The following AMTN variants were observed in gnomAD, a reference collection of about 807,000 sequenced individuals.
AMTN encodes the protein RSTI689.
AMTN carries 29 observed loss-of-function variants against 27.4 expected under a neutral mutation model. The observed-to-expected ratio is 1.06, with a 90% confidence interval of 0.79 to 1.44. The LOEUF is 1.44. Among genes scored for constraint, AMTN ranks in the 40% most tolerant of loss-of-function variants. The pLI, the probability that AMTN is intolerant of heterozygous loss-of-function variation, is 0.00. For synonymous variants in AMTN, 86 were observed against 95.7 expected (o/e 0.90, Z 0.59); for missense variants, 247 against 248.8 (o/e 0.99, Z 0.05).
chr4:70,532,057 C>T (rs1279576679), intron 8 of AMTN, among the ~76,000 whole-genome samples: 2 of 152,210 alleles, frequency 1.3e-5, no homozygotes, highest in African/African-American at 4.8e-5. Flanking sequence ...CACACACACG[C>T]ACATAGAAGC....
intron 5 of AMTN, among the ~76,000 whole-genome samples, chr4:70,527,625 T>C (rs1156459214): frequency 6.6e-6 from 1 of 152,174 alleles, no homozygotes; most frequent in Non-Finnish European, 1.5e-5. Context: ...TGGGAAACAA[T>C]AGTTAACAGT....
intron 5 of AMTN, among the ~76,000 whole-genome samples, chr4:70,528,427 G>GGCAT (rs1344538896): frequency 6.6e-6 from 1 of 152,120 alleles, no homozygotes; most frequent in African/African-American, 2.4e-5. Context: ...GAGGCAGGCA[G>GGCAT]ATCACAATGT....
intron 2 of AMTN, among the ~76,000 whole-genome samples, chr4:70,521,719 A>G (rs1735974532): frequency 8.2e-6 from 1 of 121,628 alleles, no homozygotes; most frequent in Non-Finnish European, 1.6e-5. Context: ...TCCCGGGTTC[A>G]AGTGATTCTC....
intron 8 of AMTN, among the ~76,000 whole-genome samples, chr4:70,532,053 C>A (rs1321142764): frequency 6.6e-6 from 1 of 152,202 alleles, no homozygotes; most frequent in African/African-American, 2.4e-5. Context: ...AATACACACA[C>A]ACGCACATAG....
intron 4 of AMTN, 67 bp from the exon 5 acceptor site, chr4:70,524,805 C>T (rs1189412999): frequency 2.1e-6 from 3 of 1,445,918 alleles, no homozygotes; most frequent in African/African-American, 1.4e-5. Flanking sequence ...TTAGTAAAAA[C>T]ATTTTAGTTT....
intron 5 of AMTN, 110 bp downstream of exon 5, chr4:70,525,071 T>A: frequency 2.1e-6 from 2 of 933,942 alleles, no homozygotes; most frequent in Non-Finnish European, 3.3e-6. Flanking sequence ...CCCAGATTAT[T>A]AACTGACGAA....
At chr4:70,521,142 G>A (rs7675826) in intron 2 of AMTN, among the ~76,000 whole-genome samples, 2,405 of 152,244 alleles carry the variant, frequency 0.016, 54 homozygotes, top group African/African-American at 0.053. Context: ...CACTTTGGGG[G>A]CCAAGGCAGG....
Position 70,523,855 on chromosome 4 carries a change from C to T in AMTN, c.139-13C>T, listed in dbSNP as rs1456338154. ...AACCTCTTGTCTCATACATCACTTT[C>T]AATCCCCTGCAGGTCTTTCCTTCTT... On this transcript the variant is annotated splice_polypyrimidine_tract_variant and intron_variant, in intron 3 of 8. Coordinates refer to ENST00000339336, the MANE Select transcript of AMTN (RefSeq NM_212557.4). The T allele has an allele frequency of 1.5e-5, 24 of 1,612,286 alleles. No homozygotes were observed. The highest frequency in any genetic ancestry group is 2.0e-5 in the Non-Finnish European group (23 of 1,178,658).
rs191466865 is a variant in AMTN at position 70,518,896 on chromosome 4, C to T, written c.54+65C>T. The T allele has an allele frequency of 5.4e-6, 7 of 1,287,478 alleles. No homozygotes were observed. The East Asian group carries it at 1.6e-4, about 30-fold the overall frequency. The allele number at this position is 1,287,478 out of a possible 1,614,324, so 79.8% of individuals were successfully genotyped here. A position where few individuals can be genotyped will look rare whatever the true frequency, so the allele number is the denominator to read the frequency against. On this transcript the variant is annotated intron_variant, in intron 2 of 8. Coordinates refer to ENST00000339336, the MANE Select transcript of AMTN (RefSeq NM_212557.4). ...AACAGCATCTCTAGCTGCAGACCTA[C>T]CTCTCTCCTGCCCTCCATCAAAACT...
At chr4:70,522,002 G>A (rs1216131356) in intron 2 of AMTN, among the ~76,000 whole-genome samples, 2 of 152,094 alleles carry the variant, frequency 1.3e-5, no homozygotes, top group African/African-American at 4.8e-5. Context: ...ATGACTCAAG[G>A]GCTGGTGCAG....
Position 70,531,222 on chromosome 4 carries a change from G to A in AMTN, c.541G>A (p.Asp181Asn), listed in dbSNP as rs185210496. 5 of 1,614,018 alleles carry A rather than the reference G, an allele frequency of 3.1e-6. No individual in the cohort carries two copies. The highest frequency in any genetic ancestry group is 2.7e-5 in the African/African-American group (2 of 75,010). ...RLPTPSGTDD[D>N]FAVTTPAGIQ... The stretch of plus-strand genomic sequence containing the variant: ...CCCAACTCCCAGTGGCACAGATGAC[G>A]ACTTTGCAGTGACCACCCCTGCAGG... Residue 181 changes from aspartate (D) to asparagine (N), a missense_variant, in exon 8 of 9, where the codon GAC becomes AAC. By Grantham distance (23) the Asp-to-Asn change is conservative. Transcript: ENST00000339336.
intron 2 of AMTN, 93 bp downstream of exon 2, chr4:70,518,924 T>G: frequency 3.8e-6 from 4 of 1,039,156 alleles, no homozygotes; most frequent in Non-Finnish European, 6.0e-6. Context: ...TCAAAACTGC[T>G]CTGTTTTGTG....
At chr4:70,524,328 A>G (rs1002047394) in intron 4 of AMTN, among the ~76,000 whole-genome samples, 1 of 152,202 alleles carries the variant, frequency 6.6e-6, no homozygotes, top group South Asian at 2.1e-4. Flanking sequence ...GTGTCTTCTT[A>G]TAGAATATCT....
chr4:70,531,190 G>A lies in AMTN; in HGVS notation c.509G>A (p.Gly170Asp), dbSNP rs1306523943. Residue 170 changes from glycine (G) to aspartate (D), a missense_variant, in exon 8 of 9, where the codon GGC becomes GAC. By Grantham distance (94) the Gly-to-Asp change is moderately conservative. Coordinates refer to ENST00000339336, the MANE Select transcript of AMTN (RefSeq NM_212557.4). ...CCTGCCACCCAGGGAACCCCAGCAGGCCGCCTCCCAACTCCCAGTGGCACA... is the reference window on the plus strand; with the variant it reads ...CCTGCCACCCAGGGAACCCCAGCAGACCGCCTCCCAACTCCCAGTGGCACA... ...VNPATQGTPA[G>D]RLPTPSGTDD... 3.7e-6 allele frequency: 6 copies of A among 1,613,850 alleles called. No homozygotes were observed. Among genetic ancestry groups the A allele is most frequent in the Non-Finnish European group, 5.1e-6 (6 of 1,179,982 alleles).
At chr4:70,519,846 G>A (rs1166541212) in intron 2 of AMTN, among the ~76,000 whole-genome samples, 1 of 151,962 alleles carries the variant, frequency 6.6e-6, no homozygotes, top group African/African-American at 2.4e-5. Flanking sequence ...GGATTATGCG[G>A]GGGGAGGATG....
chr4:70,523,846 C>T, intron 3 of AMTN, 22 bp from the exon 4 acceptor site: 2 of 1,607,876 alleles, frequency 1.2e-6, no homozygotes, highest in Admixed American at 1.7e-5. Flanking sequence ...TTGTCTCATA[C>T]ATCACTTTCA....
chr4:70,524,658 G>T (rs1403063637), intron 4 of AMTN, among the ~76,000 whole-genome samples: 1 of 151,904 alleles, frequency 6.6e-6, no homozygotes. Flanking sequence ...CTTAACAGGG[G>T]AAAAGTTAGC....
At chr4:70,524,730 A>T in intron 4 of AMTN, 142 bp from the exon 5 acceptor site, 1 of 751,816 alleles carries the variant, frequency 1.3e-6, no homozygotes, top group Non-Finnish European at 2.3e-6. Context: ...TTTGTGTCTA[A>T]GTATACATGC....
At chr4:70,525,793 G>A (rs957443532) in intron 5 of AMTN, among the ~76,000 whole-genome samples, 3 of 152,028 alleles carry the variant, frequency 2.0e-5, no homozygotes, top group African/African-American at 4.8e-5. Flanking sequence ...CCAAGTACTC[G>A]GGAGGCTGAG....
Sources: gnomAD v4.1 joint callset for allele counts (sites outside exome capture counted in the v4.1 genomes callset) on GRCh38, gnomAD v4.1.1 for gene constraint, MANE v1.5 for transcripts, NCBI Gene and HGNC (gene_info 2026-07-23, HGNC 2026-07-21) for gene names.